UPP2: variants seen among roughly 807,000 people sequenced by gnomAD.
The protein encoded by UPP2 is uridine phosphorylase 2.
Under a neutral mutation model 26.7 loss-of-function variants are expected in UPP2, and 23 were observed. The observed-to-expected ratio is 0.86, with a 90% CI of 0.62 to 1.22. UPP2 has a LOEUF of 1.22. Among genes scored for constraint, UPP2 ranks in the 50% most tolerant of loss-of-function variants. The pLI is 0.00. For synonymous variants in UPP2, 127 were observed against 141.3 expected (o/e 0.90, Z 0.72); for missense variants, 387 against 396.7 (o/e 0.98, Z 0.21).
intron 2 of UPP2, among the ~76,000 whole-genome samples, chr2:158,114,077 G>A (rs1022274279): frequency 3.3e-5 from 5 of 152,192 alleles, no homozygotes; most frequent in Admixed American, 6.5e-5. Context: ...TCGATTATTT[G>A]TGTGACACTG....
Position 158,123,793 on chromosome 2 carries a change from A to G in UPP2, c.709A>G (p.Lys237Glu), listed in dbSNP as rs1165743019. The change falls in exon 6 of 7, where the codon AAA becomes GAA. Residue 237 changes from lysine (K) to glutamate (E), a missense_variant. By Grantham distance (56) the Lys-to-Glu change is moderately conservative. Coordinates refer to ENST00000005756, the MANE Select transcript of UPP2 (RefSeq NM_173355.4). ...DGALCSFSREKKLDYLKRAFK... is the reference protein window; with the variant it reads ...DGALCSFSREEKLDYLKRAFK... Reference sequence around the variant, plus strand: ...AGCACTGTGCTCCTTTTCCAGAGAAAAAAAGTTAGACTACTTGAAGAGAGC... The same window carrying G: ...AGCACTGTGCTCCTTTTCCAGAGAAGAAAAGTTAGACTACTTGAAGAGAGC... The G allele has an allele frequency of 3.1e-6, 5 of 1,614,104 alleles. No individual in the cohort carries two copies. The highest frequency in any genetic ancestry group is 3.4e-6 in the Non-Finnish European group (4 of 1,179,940).
chr2:158,069,454 T>G (rs1682502593), intron 3 of UPP2, among the ~76,000 whole-genome samples: 1 of 152,204 alleles, frequency 6.6e-6, no homozygotes, highest in Non-Finnish European at 1.5e-5. Flanking sequence ...GTCGAGCTTA[T>G]GCAGAGTGCA....
chr2:158,112,243 T>A (rs1683335009), intron 2 of UPP2, among the ~76,000 whole-genome samples: 1 of 152,138 alleles, frequency 6.6e-6, no homozygotes, highest in African/African-American at 2.4e-5. Flanking sequence ...AGTGTGGTAC[T>A]AACATATGGA....
At chr2:157,995,245 G>A (rs1168970227) in exon 2 of UPP2, 1 of 1,613,648 alleles carries the variant, frequency 6.2e-7, no homozygotes, top group Admixed American at 1.7e-5. Flanking sequence ...GAAGTGGTGA[G>A]GACAAGGCCT....
chr2:158,027,894 G>A (rs115648130), intron 3 of UPP2, among the ~76,000 whole-genome samples: 3,403 of 152,298 alleles, frequency 0.022, 132 homozygotes, highest in African/African-American at 0.076. Context: ...TAAAGTCATG[G>A]CCTGAGCTCT....
At chr2:158,034,482 G>T (rs1683971540) in intron 3 of UPP2, among the ~76,000 whole-genome samples, 1 of 152,200 alleles carries the variant, frequency 6.6e-6, no homozygotes, top group East Asian at 1.9e-4. Context: ...CTTGATAATG[G>T]AGTGTGCTCT....
chr2:158,098,257 TGG>T (rs1175401699), upstream of UPP2, among the ~76,000 whole-genome samples: 1 of 151,842 alleles, frequency 6.6e-6, no homozygotes, highest in Non-Finnish European at 1.5e-5. Context: ...CACCCACCCT[TGG>T]GGGTGAAAAT....
intron 2 of UPP2, among the ~76,000 whole-genome samples, chr2:158,005,451 A>G (rs1339462679): frequency 1.3e-5 from 2 of 152,218 alleles, no homozygotes; most frequent in Admixed American, 1.3e-4. Flanking sequence ...TGAAAAGAGA[A>G]AGCCAGGAGA....
At position 158,023,654 on chromosome 2, in the gene UPP2, G is replaced by A. The variant is rs78748433; in HGVS notation, c.147+7768G>A. The stretch of plus-strand genomic sequence containing the variant: ...TGGAGCTTTGGGGTGGGGTGGACAC[G>A]GTGGGAGTTGGGTGGGGGTGATGGA... On this transcript the variant is annotated intron_variant, in intron 3 of 9. Transcript: ENST00000605860. Among the ~76,000 whole-genome samples, 633 of 152,168 alleles carry A rather than the reference G, an allele frequency of 4.2e-3. 6 individuals carry two copies. The highest frequency in any genetic ancestry group is 0.015 in the African/African-American group (607 of 41,498).
At chr2:158,037,409 G>GA (rs1684020845) in intron 3 of UPP2, among the ~76,000 whole-genome samples, 1 of 152,048 alleles carries the variant, frequency 6.6e-6, no homozygotes, top group Non-Finnish European at 1.5e-5. Flanking sequence ...CTTTTGGGGG[G>GA]ATATATTAGT....
chr2:158,080,293 C>T (rs1682702293), intron 3 of UPP2, among the ~76,000 whole-genome samples: 1 of 152,014 alleles, frequency 6.6e-6, no homozygotes, highest in African/African-American at 2.4e-5. Flanking sequence ...TTCCATTTTA[C>T]AAGAAGAAAA....
intron 6 of UPP2, among the ~76,000 whole-genome samples, chr2:158,127,339 T>C (rs60426785): frequency 0.12 from 17,616 of 152,274 alleles, 1,526 homozygotes; most frequent in African/African-American, 0.24. Context: ...AAGGCATATA[T>C]TGATTATTTC....
chr2:158,028,701 T>A (rs1225735466), intron 3 of UPP2, among the ~76,000 whole-genome samples: 1 of 152,108 alleles, frequency 6.6e-6, no homozygotes. Context: ...TACCCAAAAC[T>A]GGGAAGAAAA....
intron 3 of UPP2, among the ~76,000 whole-genome samples, chr2:158,072,392 G>A (rs1682557429): frequency 6.6e-6 from 1 of 152,182 alleles, no homozygotes; most frequent in Non-Finnish European, 1.5e-5. Context: ...CCTGCCAAGG[G>A]TCTGGGGAAA....
chr2:158,018,742 G>A (rs1179937791), intron 3 of UPP2, among the ~76,000 whole-genome samples: 1 of 152,186 alleles, frequency 6.6e-6, no homozygotes, highest in Non-Finnish European at 1.5e-5. Flanking sequence ...TTTCCCTTTT[G>A]TCAATACACT....
chr2:158,108,274 C>G (rs1206350016), intron 2 of UPP2, among the ~76,000 whole-genome samples: 1 of 152,124 alleles, frequency 6.6e-6, no homozygotes, highest in Admixed American at 6.6e-5. Context: ...TTATTATCTC[C>G]ACTTTACAGA....
chr2:158,100,728 C>T (rs1683062022), upstream of UPP2, among the ~76,000 whole-genome samples: 1 of 152,212 alleles, frequency 6.6e-6, no homozygotes, highest in African/African-American at 2.4e-5. Flanking sequence ...ATTACCTTTT[C>T]CAGGATAAGT....
At chr2:158,104,287 C>A (rs1365671152) in intron 1 of UPP2, among the ~76,000 whole-genome samples, 1 of 151,780 alleles carries the variant, frequency 6.6e-6, no homozygotes, top group Non-Finnish European at 1.5e-5. Flanking sequence ...AAAGCCTTCA[C>A]GGAAGAGGTA....
intron 3 of UPP2, among the ~76,000 whole-genome samples, chr2:158,058,226 G>C (rs990630206): frequency 6.7e-6 from 1 of 150,356 alleles, no homozygotes; most frequent in Non-Finnish European, 1.5e-5. Context: ...CCAGGAGGTG[G>C]AGCTTGCAGT....
Sources: allele counts gnomAD v4.1 joint callset (sites outside exome capture counted in the v4.1 genomes callset), GRCh38; gene constraint gnomAD v4.1.1; transcripts MANE v1.5; gene names NCBI Gene and HGNC (gene_info 2026-07-23, HGNC 2026-07-21).